Variants in RNF150 observed in about 807,000 individuals in gnomAD.
The protein encoded by RNF150 is ring finger protein 150.
In RNF150, 24 loss-of-function variants were observed where a neutral mutation model predicts 39.3. The observed-to-expected ratio is 0.61, with a 90% CI of 0.44 to 0.86. The LOEUF (loss-of-function observed/expected upper bound fraction) is 0.86. Ranked by LOEUF, RNF150 falls within the 40% of genes least tolerant of loss-of-function variation. RNF150 has a pLI of 0.00. For synonymous variants in RNF150, 255 were observed against 227.3 expected (o/e 1.12, Z -1.10); for missense variants, 502 against 587.8 (o/e 0.85, Z 1.51).
chr4:140,990,578 C>T (rs567901968), intron 1 of RNF150, among the ~76,000 whole-genome samples: 50 of 152,324 alleles, frequency 3.3e-4, no homozygotes, highest in African/African-American at 1.2e-3. Context: ...TAAGTGAGAA[C>T]ATGCAGTGTT....
intron 1 of RNF150, among the ~76,000 whole-genome samples, chr4:141,085,461 G>A (rs746189526): frequency 6.6e-6 from 1 of 152,170 alleles, no homozygotes; most frequent in Admixed American, 6.5e-5. Flanking sequence ...ACATAGAGGT[G>A]CTCCAATCAA....
At chr4:141,110,700 A>G (rs1739359582) in intron 1 of RNF150, among the ~76,000 whole-genome samples, 1 of 151,916 alleles carries the variant, frequency 6.6e-6, no homozygotes, top group South Asian at 2.1e-4. Context: ...GGCATGAACC[A>G]TCTTGCTTGG....
In RNF150 at chr4:140,923,209, G is replaced by A. The variant is rs548976888; in HGVS notation, c.987+2768C>T. On this transcript the variant is annotated intron_variant, in intron 5 of 6. Coordinates refer to ENST00000515673, the MANE Select transcript of RNF150 (RefSeq NM_020724.2). ...ACCTACAGAATGGGAGAAAATTTTC[G>A]CAACCTACTCATCTGACAAAGGGCT... 2.8e-3 allele frequency among the ~76,000 whole-genome samples: 429 copies of A among 152,098 alleles called. 6 individuals are homozygous for A. Among genetic ancestry groups the A allele is most frequent in the African/African-American group, 9.1e-3 (379 of 41,426 alleles).
chr4:141,029,741 T>C (rs944336459), intron 1 of RNF150, among the ~76,000 whole-genome samples: 1 of 152,178 alleles, frequency 6.6e-6, no homozygotes, highest in Non-Finnish European at 1.5e-5. Context: ...AGACAACCTA[T>C]GGAATGTGAG....
intron 1 of RNF150, among the ~76,000 whole-genome samples, chr4:140,996,010 G>A (rs1481180001): frequency 6.6e-6 from 1 of 152,022 alleles, no homozygotes; most frequent in Non-Finnish European, 1.5e-5. Context: ...GGGATTGCTG[G>A]ATCATATGGG....
intron 2 of RNF150, among the ~76,000 whole-genome samples, chr4:140,951,142 C>T (rs140029667): frequency 7.5e-4 from 114 of 152,236 alleles, no homozygotes; most frequent in African/African-American, 2.6e-3. Context: ...CAACAAGATC[C>T]CTCTCATCTA....
intron 1 of RNF150, among the ~76,000 whole-genome samples, chr4:140,982,759 C>A (rs993173485): frequency 6.6e-6 from 1 of 152,094 alleles, no homozygotes; most frequent in African/African-American, 2.4e-5. Flanking sequence ...ATCAAAGACA[C>A]ATGCCTTTGC....
intron 6 of RNF150, among the ~76,000 whole-genome samples, chr4:140,909,554 A>AAGAC (rs1730514817): frequency 6.6e-6 from 1 of 152,176 alleles, no homozygotes; most frequent in African/African-American, 2.4e-5. Flanking sequence ...CCAGATTCTG[A>AAGAC]AGACTGAGTA....
At chr4:140,929,340 ACCT>A (rs1216252591) in intron 4 of RNF150, among the ~76,000 whole-genome samples, 1 of 131,190 alleles carries the variant, frequency 7.6e-6, no homozygotes, top group African/African-American at 2.9e-5. Flanking sequence ...TCATTCTTAC[ACCT>A]CCTCTGGATG....
chr4:141,005,552 G>A (rs962210449), intron 1 of RNF150, among the ~76,000 whole-genome samples: 1 of 152,112 alleles, frequency 6.6e-6, no homozygotes, highest in Admixed American at 6.5e-5. Flanking sequence ...AGAACTGTAG[G>A]ATAAGTAAGC....
rs1733981426 is a variant in RNF150 at position 140,985,237 on chromosome 4, T to A, written c.485-17364A>T. On this transcript the variant is annotated intron_variant, in intron 1 of 6. Transcript: ENST00000515673. ...ATTACATGAATTTTGCCCCTCCCATTTTTAACTTAAAAAGGAGAATCATTC... is the reference window on the plus strand; with the variant it reads ...ATTACATGAATTTTGCCCCTCCCATATTTAACTTAAAAAGGAGAATCATTC... 2.0e-5 allele frequency among the ~76,000 whole-genome samples: 3 copies of A among 152,146 alleles called. No homozygotes were observed. In the South Asian group the frequency reaches 6.2e-4, roughly 32 times the overall value.
At chr4:141,100,977 G>A (rs908347722) in intron 1 of RNF150, among the ~76,000 whole-genome samples, 10 of 152,152 alleles carry the variant, frequency 6.6e-5, no homozygotes, top group African/African-American at 1.2e-4. Flanking sequence ...CATGAATGGC[G>A]CTTCTAAGAT....
rs893058555 is a variant in RNF150, at chr4:141,209,768, T to TA, written c.-6+3025dup. ...TCCACCCAAAATGGGGGGGTATCTA[T>TA]AAAAAAAAACTCTGATTTCTTGAGG... On this transcript the variant is annotated intron_variant, in intron 1 of 7. Coordinates refer to the RNF150 transcript ENST00000420921. Among the ~76,000 whole-genome samples, 10 of 151,396 alleles carry TA rather than the reference T, an allele frequency of 6.6e-5. No homozygotes were observed. In the South Asian group the frequency reaches 8.4e-4, roughly 13 times the overall value.
intron 1 of RNF150, among the ~76,000 whole-genome samples, chr4:141,205,180 A>C (rs920657128): frequency 1.4e-4 from 22 of 152,204 alleles, no homozygotes; most frequent in Admixed American, 3.9e-4. Context: ...TCAAGTATTA[A>C]GAAATCATAT....
At chr4:141,203,727 C>T (rs1242907905) in intron 1 of RNF150, among the ~76,000 whole-genome samples, 7 of 144,420 alleles carry the variant, frequency 4.8e-5, no homozygotes, top group East Asian at 2.7e-4. Context: ...GGTTCTGAGG[C>T]GGATAGAGAA....
intron 1 of RNF150, among the ~76,000 whole-genome samples, chr4:141,026,589 TAAAC>T (rs2110806307): frequency 6.6e-6 from 1 of 152,276 alleles, no homozygotes; most frequent in South Asian, 2.1e-4. Context: ...TGAACAAACT[TAAAC>T]AAGCATCTAA....
rs550459366 is a variant in RNF150 at position 140,907,411 on chromosome 4, AT to A, written c.1198+3732del. 1.2e-3 allele frequency among the ~76,000 whole-genome samples: 173 copies of A among 150,146 alleles called. 2 individuals carry two copies. The South Asian group carries it at 0.014, about 12-fold the overall frequency. Reference sequence around the variant, plus strand: ...TTCCTTGGCTCTGTAAATGTTTTTCATTTTTTTTTTCCTGGGAGCTGAAGAT... The same window carrying A: ...TTCCTTGGCTCTGTAAATGTTTTTCATTTTTTTTTCCTGGGAGCTGAAGAT... On this transcript the variant is annotated intron_variant, in intron 6 of 6. Coordinates refer to ENST00000515673, the MANE Select transcript of RNF150 (RefSeq NM_020724.2).
At chr4:140,878,151 G>A (rs1265375830) in intron 6 of RNF150, among the ~76,000 whole-genome samples, 2 of 141,626 alleles carry the variant, frequency 1.4e-5, no homozygotes, top group Non-Finnish European at 3.1e-5. Context: ...AGGTTAAGGT[G>A]ATATCTCATT....
chr4:141,118,919 C>A lies in RNF150; in HGVS notation c.484+13406G>T, dbSNP rs568215595. 2.6e-5 allele frequency among the ~76,000 whole-genome samples: 4 copies of A among 152,154 alleles called. No individual in the cohort carries two copies. In the South Asian group the frequency reaches 8.3e-4, roughly 32 times the overall value. On this transcript the variant is annotated intron_variant, in intron 1 of 6. Coordinates refer to ENST00000515673, the MANE Select transcript of RNF150 (RefSeq NM_020724.2). Reference sequence around the variant, plus strand: ...GGGACTACAGGTACCCACCACCATGCCTGGCTAATTTTTGTATTTTTAGTA... The same window carrying A: ...GGGACTACAGGTACCCACCACCATGACTGGCTAATTTTTGTATTTTTAGTA...
Sources: allele counts gnomAD v4.1 joint callset (sites outside exome capture counted in the v4.1 genomes callset), GRCh38; gene constraint gnomAD v4.1.1; transcripts MANE v1.5; gene names NCBI Gene and HGNC (gene_info 2026-07-23, HGNC 2026-07-21).